The following ZNF678 variants were observed in gnomAD, a reference collection of about 807,000 sequenced individuals.
ZNF678 encodes zinc finger protein 678.
In ZNF678, 5 loss-of-function variants were observed where a neutral mutation model predicts 3.0. The ratio of observed to expected loss-of-function variants is 1.69; its 90% CI spans 0.88 to 3.56. ZNF678 has a LOEUF of 3.56. ZNF678 is among the 30% of genes most tolerant of loss of function. The pLI is 0.00. For synonymous variants in ZNF678, 218 were observed against 199.6 expected (o/e 1.09, Z -0.78); for missense variants, 593 against 605.0 (o/e 0.98, Z 0.21).
At chr1:227,598,845 G>A (rs1657660715) in intron 1 of ZNF678, 1 of 603,746 alleles carries the variant, frequency 1.7e-6, no homozygotes, top group Non-Finnish European at 3.1e-6. Context: ...TAATGAAGAA[G>A]AAGATGAATA....
chr1:227,630,890 T>A (rs1463245053), intron 1 of ZNF678, among the ~76,000 whole-genome samples: 1 of 152,170 alleles, frequency 6.6e-6, no homozygotes, highest in Non-Finnish European at 1.5e-5. Context: ...TGTCTCTTAA[T>A]GAAAAGAAAG....
chr1:227,604,387 C>T (rs1366689280), intron 1 of ZNF678, among the ~76,000 whole-genome samples: 2 of 152,256 alleles, frequency 1.3e-5, no homozygotes, highest in Non-Finnish European at 2.9e-5. Flanking sequence ...GGATATCTCC[C>T]TGAGGGTTAT....
intron 1 of ZNF678, among the ~76,000 whole-genome samples, chr1:227,605,549 T>C (rs1657843528): frequency 1.3e-5 from 2 of 152,232 alleles, no homozygotes; most frequent in African/African-American, 4.8e-5. Context: ...AAGTAATATT[T>C]ACCGTACATT....
In ZNF678 at chr1:227,624,121, A is replaced by G. The variant is rs1265830122; in HGVS notation, c.-163-22423A>G. Among the ~76,000 whole-genome samples, 3 of 152,244 alleles carry G rather than the reference A, an allele frequency of 2.0e-5. No homozygotes were observed. In the East Asian group the frequency reaches 5.8e-4, roughly 29 times the overall value. ...GATTTAGGTAAAGGTATAGATAAAA[A>G]TACTTATCTGTTTGGACAATGCTCT... On this transcript the variant is annotated intron_variant, in intron 1 of 3. Transcript: ENST00000343776.
chr1:227,614,400 C>T (rs1658094801), intron 1 of ZNF678, among the ~76,000 whole-genome samples: 1 of 152,186 alleles, frequency 6.6e-6, no homozygotes, highest in Admixed American at 6.5e-5. Flanking sequence ...ACTTTGCTGC[C>T]ACTTGACTCC....
At chr1:227,616,487 G>A (rs892620478) in intron 1 of ZNF678, among the ~76,000 whole-genome samples, 12 of 152,194 alleles carry the variant, frequency 7.9e-5, no homozygotes, top group Non-Finnish European at 1.3e-4. Context: ...CAGAGAGTAG[G>A]AAATAAATCT....
At chr1:227,647,274 G>A (rs1293779358) in intron 2 of ZNF678, among the ~76,000 whole-genome samples, 1 of 152,072 alleles carries the variant, frequency 6.6e-6, no homozygotes, top group African/African-American at 2.4e-5. Context: ...CAAACAAAAA[G>A]AACCTATACA....
rs201392687 is a variant in ZNF678, at chr1:227,676,492, A to AT, written c.227-678dup. Among the ~76,000 whole-genome samples the AT allele has an allele frequency of 1.1e-4, 16 of 151,344 alleles. No homozygotes were observed. The South Asian group carries it at 1.5e-3, about 14-fold the overall frequency. ...AGTAAACTATGTAAATCCCCAAAAC[A>AT]TTTTTTTTTATTTCTTACTATAATT... On this transcript the variant is annotated intron_variant, in intron 5 of 5. Coordinates refer to the ZNF678 transcript ENST00000608949.
At chr1:227,672,692 G>A (rs1013608212) in intron 5 of ZNF678, among the ~76,000 whole-genome samples, 1 of 150,550 alleles carries the variant, frequency 6.6e-6, no homozygotes, top group Non-Finnish European at 1.5e-5. Flanking sequence ...TCATGCTGTG[G>A]GTCGGTCGGT....
At chr1:227,666,907 G>T (rs1659512822), downstream of ZNF678, among the ~76,000 whole-genome samples, 1 of 151,634 alleles carries the variant, frequency 6.6e-6, no homozygotes, top group Admixed American at 6.6e-5. Context: ...ACCACAGCCG[G>T]CTAATTTTTT....
chr1:227,671,798 C>T (rs1437387715), intron 5 of ZNF678, among the ~76,000 whole-genome samples: 1 of 152,136 alleles, frequency 6.6e-6, no homozygotes, highest in African/African-American at 2.4e-5. Flanking sequence ...TCTCCCTATG[C>T]CTCCATAAAG....
chr1:227,673,923 A>G (rs1284128794), intron 5 of ZNF678, among the ~76,000 whole-genome samples: 4 of 152,248 alleles, frequency 2.6e-5, no homozygotes, highest in African/African-American at 9.6e-5. Context: ...TTAAACTTAC[A>G]TTTTTAAAAC....
intron 1 of ZNF678, among the ~76,000 whole-genome samples, chr1:227,565,537 A>ATT (rs57878820): frequency 1.3e-5 from 2 of 151,466 alleles, no homozygotes; most frequent in African/African-American, 2.4e-5. Context: ...TTTTTATTTT[A>ATT]TTTTTTTGTA....
At chr1:227,644,839 G>A (rs746560150) in intron 1 of ZNF678, among the ~76,000 whole-genome samples, 1 of 152,174 alleles carries the variant, frequency 6.6e-6, no homozygotes, top group Non-Finnish European at 1.5e-5. Context: ...CTGTTGGTCT[G>A]GGTAAGAACA....
chr1:227,650,574 A>G (rs908561776), intron 2 of ZNF678, among the ~76,000 whole-genome samples: 5 of 152,166 alleles, frequency 3.3e-5, no homozygotes, highest in African/African-American at 7.2e-5. Flanking sequence ...TGCTTTGGAT[A>G]ATATGACACT....
At chr1:227,614,076 T>A (rs1201982696) in intron 1 of ZNF678, among the ~76,000 whole-genome samples, 1 of 152,206 alleles carries the variant, frequency 6.6e-6, no homozygotes, top group Non-Finnish European at 1.5e-5. Context: ...AATGGCACCA[T>A]CATGTTCCTC....
intron 1 of ZNF678, among the ~76,000 whole-genome samples, chr1:227,633,269 C>T (rs762199978): frequency 2.0e-5 from 3 of 152,298 alleles, no homozygotes; most frequent in Non-Finnish European, 4.4e-5. Context: ...ACAGAGCTCC[C>T]ATACAACGGG....
downstream of ZNF678, among the ~76,000 whole-genome samples, chr1:227,663,487 G>A (rs1362541120): frequency 6.6e-6 from 1 of 152,294 alleles, no homozygotes; most frequent in South Asian, 2.1e-4. Flanking sequence ...AAATGCGTAG[G>A]ATACCTTAAC....
chr1:227,646,798 A>T, intron 2 of ZNF678, 128 bp downstream of exon 2: 1 of 851,824 alleles, frequency 1.2e-6, no homozygotes, highest in South Asian at 1.7e-5. Flanking sequence ...TCTAAGGAAA[A>T]CTTGGGAATT....
Sources: gnomAD v4.1 joint callset for allele counts (sites outside exome capture counted in the v4.1 genomes callset) on GRCh38, gnomAD v4.1.1 for gene constraint, MANE v1.5 for transcripts, NCBI Gene and HGNC (gene_info 2026-07-23, HGNC 2026-07-21) for gene names.